NELL1: variants seen among roughly 807,000 people sequenced by gnomAD.
NELL1 encodes the protein protein kinase C-binding protein NELL1.
In NELL1, 76 loss-of-function variants were observed where a neutral mutation model predicts 107.4. That is an observed-to-expected ratio of 0.71 (90% CI 0.59 to 0.86). The LOEUF is 0.86. Ranked by LOEUF, NELL1 falls within the 40% of genes least tolerant of loss-of-function variation. The pLI, the probability that NELL1 is intolerant of heterozygous loss-of-function variation, is 0.00. For synonymous variants in NELL1, 353 were observed against 341.2 expected, an observed-to-expected ratio of 1.03 and a Z score of -0.38; for missense variants, 1,024 against 1,005.5, an observed-to-expected ratio of 1.02 and a Z score of -0.25.
chr11:20,807,417 C>G (rs1459153137), intron 3 of NELL1, among the ~76,000 whole-genome samples: 1 of 152,212 alleles, frequency 6.6e-6, no homozygotes, highest in Admixed American at 6.5e-5. Context: ...CAGAGTCTCT[C>G]TCTCTCTGTT....
At chr11:20,755,967 A>G (rs1483212988) in intron 2 of NELL1, among the ~76,000 whole-genome samples, 2 of 142,342 alleles carry the variant, frequency 1.4e-5, no homozygotes, top group Non-Finnish European at 3.0e-5. Flanking sequence ...ATCTCGGCTC[A>G]CTGCAAGCTC....
At position 21,378,446 on chromosome 11, in the gene NELL1, G is replaced by C. The variant is rs548578015; in HGVS notation, c.1645+7498G>C. ...ACCATTCAAGAGCCAGAGACTGGAT[G>C]ATATCCATCATGTGCTATGAGAGGC... is the stretch of plus-strand genomic sequence containing the variant. On this transcript the variant is annotated intron_variant, in intron 15 of 19. Coordinates refer to ENST00000357134, the MANE Select transcript of NELL1 (RefSeq NM_006157.5). Among the ~76,000 whole-genome samples, 7 of 151,938 alleles carry C rather than the reference G, an allele frequency of 4.6e-5. No homozygotes were observed. The South Asian group carries it at 1.2e-3, about 27-fold the overall frequency.
chr11:21,459,092 G>A (rs1208554023), intron 15 of NELL1, among the ~76,000 whole-genome samples: 1 of 152,080 alleles, frequency 6.6e-6, no homozygotes, highest in Non-Finnish European at 1.5e-5. Context: ...CCAGTCGTGA[G>A]CCTTCTGCTG....
intron 15 of NELL1, among the ~76,000 whole-genome samples, chr11:21,395,016 C>T (rs1323854756): frequency 6.6e-6 from 1 of 151,316 alleles, no homozygotes; most frequent in East Asian, 2.0e-4. Context: ...GAGGTATATA[C>T]AAGGGATATT....
chr11:21,430,443 A>T (rs1189295369), intron 15 of NELL1, among the ~76,000 whole-genome samples: 1 of 152,148 alleles, frequency 6.6e-6, no homozygotes, highest in African/African-American at 2.4e-5. Flanking sequence ...TGGAAAGCTG[A>T]GACACTTTAG....
intron 14 of NELL1, among the ~76,000 whole-genome samples, chr11:21,370,418 T>C (rs1018693274): frequency 1.2e-4 from 18 of 152,074 alleles, no homozygotes; most frequent in Non-Finnish European, 1.5e-5. Context: ...ATCAGAAATC[T>C]TTTTTAAAGA....
intron 12 of NELL1, among the ~76,000 whole-genome samples, chr11:21,062,658 G>A (rs924457944): frequency 3.3e-5 from 5 of 152,036 alleles, no homozygotes; most frequent in African/African-American, 9.7e-5. Context: ...CAAGCTAAAG[G>A]GCACATTCCA....
chr11:21,077,512 G>T (rs1159001714), intron 12 of NELL1, among the ~76,000 whole-genome samples: 1 of 152,104 alleles, frequency 6.6e-6, no homozygotes, highest in Non-Finnish European at 1.5e-5. Context: ...GGAGGGCGAG[G>T]CAGGTGGATC....
At chr11:20,854,203 T>C (rs1233970081) in intron 4 of NELL1, among the ~76,000 whole-genome samples, 2 of 152,202 alleles carry the variant, frequency 1.3e-5, no homozygotes, top group Non-Finnish European at 2.9e-5. Context: ...AAAAATTCTC[T>C]TGACTGAAAA....
intron 13 of NELL1, among the ~76,000 whole-genome samples, chr11:21,196,867 T>C (rs920914957): frequency 2.0e-5 from 3 of 151,156 alleles, no homozygotes; most frequent in Non-Finnish European, 4.4e-5. Context: ...TTAATTCTTT[T>C]TCTTTCTTTT....
intron 14 of NELL1, among the ~76,000 whole-genome samples, chr11:21,342,642 TAAA>T (rs369016970): frequency 0.19 from 22,719 of 120,590 alleles, 2,002 homozygotes; most frequent in East Asian, 0.28. Context: ...AGACTGTCTT[TAAA>T]AAAAAAAAAA....
intron 4 of NELL1, among the ~76,000 whole-genome samples, chr11:20,861,773 G>C (rs765223702): frequency 2.0e-5 from 3 of 152,176 alleles, no homozygotes; most frequent in Non-Finnish European, 2.9e-5. Flanking sequence ...TAGTGGTTCC[G>C]AGCATGAGCT....
At chr11:21,426,118 T>A (rs912987857) in intron 15 of NELL1, among the ~76,000 whole-genome samples, 3 of 152,222 alleles carry the variant, frequency 2.0e-5, no homozygotes, top group Non-Finnish European at 4.4e-5. Flanking sequence ...TTTTGTTTAC[T>A]GGTGGAATTC....
At chr11:21,203,783 G>A (rs1328994008) in intron 13 of NELL1, among the ~76,000 whole-genome samples, 3 of 152,040 alleles carry the variant, frequency 2.0e-5, no homozygotes, top group Admixed American at 2.0e-4. Flanking sequence ...CTTCCTTCAG[G>A]AACTCTTGTA....
intron 18 of NELL1, among the ~76,000 whole-genome samples, chr11:21,572,262 TCCTAGCC>T (rs989376202): frequency 2.6e-5 from 4 of 151,842 alleles, no homozygotes; most frequent in Admixed American, 2.0e-4. Flanking sequence ...TCCTCTTCCA[TCCTAGCC>T]CCTAAGATGA....
At chr11:20,756,925 G>C (rs1266193328) in intron 2 of NELL1, among the ~76,000 whole-genome samples, 1 of 152,106 alleles carries the variant, frequency 6.6e-6, no homozygotes, top group Non-Finnish European at 1.5e-5. Context: ...GAATTGCATG[G>C]ACCAGGGTGA....
chr11:20,883,255 G>T (rs1310232576), intron 4 of NELL1, among the ~76,000 whole-genome samples: 1 of 152,212 alleles, frequency 6.6e-6, no homozygotes, highest in African/African-American at 2.4e-5. Flanking sequence ...CCCTGCTTTA[G>T]CTGGTGATAG....
At chr11:20,786,411 C>G (rs914759300) in intron 3 of NELL1, among the ~76,000 whole-genome samples, 2 of 151,756 alleles carry the variant, frequency 1.3e-5, no homozygotes, top group South Asian at 2.1e-4. Flanking sequence ...GGTTGAATGC[C>G]TTTAGCCAAA....
chr11:20,723,269 A>C (rs1002858191), intron 2 of NELL1, among the ~76,000 whole-genome samples: 1 of 152,196 alleles, frequency 6.6e-6, no homozygotes, highest in African/African-American at 2.4e-5. Context: ...CTAAGTCCAA[A>C]GTATCATCTG....
Sources: gnomAD v4.1 joint callset for allele counts (sites outside exome capture counted in the v4.1 genomes callset) on GRCh38, gnomAD v4.1.1 for gene constraint, MANE v1.5 for transcripts, NCBI Gene and HGNC (gene_info 2026-07-23, HGNC 2026-07-21) for gene names.